The following GLB1 variants were observed in gnomAD, a reference collection of about 807,000 sequenced individuals.
GLB1 encodes the protein beta-galactosidase.
In GLB1, 56 loss-of-function variants were observed where a neutral mutation model predicts 74.0. That is an observed-to-expected ratio of 0.76 (90% CI 0.61 to 0.94). The LOEUF (loss-of-function observed/expected upper bound fraction) is 0.94. Among genes scored for constraint, GLB1 ranks in the 40% least tolerant of loss-of-function variants. GLB1 has a pLI of 0.00. For missense variants in GLB1, 787 were observed against 845.5 expected (o/e 0.93, Z 0.86); for synonymous variants, 323 against 323.6 (o/e 1.00, Z 0.02).
At chr3:33,088,910 T>C (rs928210517) in intron 1 of GLB1, among the ~76,000 whole-genome samples, 2 of 152,214 alleles carry the variant, frequency 1.3e-5, no homozygotes, top group Non-Finnish European at 2.9e-5. Flanking sequence ...GTAATCAGAA[T>C]AGCATGGTAA....
chr3:33,095,080 G>A (rs1292797475), intron 1 of GLB1, among the ~76,000 whole-genome samples: 2 of 151,924 alleles, frequency 1.3e-5, no homozygotes, highest in African/African-American at 4.8e-5. Flanking sequence ...GCATGGTGGT[G>A]GATGCATGTA....
intron 1 of GLB1, among the ~76,000 whole-genome samples, chr3:33,079,526 T>C (rs1278095358): frequency 6.6e-6 from 1 of 152,218 alleles, no homozygotes; most frequent in Non-Finnish European, 1.5e-5. Flanking sequence ...GTTAATGGTA[T>C]AATCTTTCAA....
the GLB1 span, among the ~76,000 whole-genome samples, chr3:32,976,123 C>T: frequency 6.6e-6 from 1 of 152,302 alleles, no homozygotes; most frequent in Non-Finnish European, 1.5e-5. Context: ...GTCAGCTCCT[C>T]CCTGTAACTG....
At chr3:33,077,071 A>T (rs28420683) in intron 1 of GLB1, 2 of 1,333,358 alleles carry the variant, frequency 1.5e-6, no homozygotes, top group African/African-American at 1.5e-5. Context: ...AAAAAAAAAA[A>T]TTAAAATTAG....
intron 15 of GLB1, among the ~76,000 whole-genome samples, chr3:33,005,692 T>A (rs913068568): frequency 1.3e-5 from 2 of 152,086 alleles, no homozygotes; most frequent in Non-Finnish European, 2.9e-5. Flanking sequence ...GATGAGGTCT[T>A]ATTAAGTTGC....
rs547994934 is a variant in GLB1 at position 33,025,870 on chromosome 3, G to A, written c.1069-1545C>T. Among the ~76,000 whole-genome samples, 3 of 152,302 alleles carry A rather than the reference G, an allele frequency of 2.0e-5. No homozygotes were observed. The South Asian group carries it at 6.2e-4, about 32-fold the overall frequency. On this transcript the variant is annotated intron_variant, in intron 10 of 15. Coordinates refer to ENST00000307363, the MANE Select transcript of GLB1 (RefSeq NM_000404.4). Reference sequence around the variant, plus strand: ...CAGGCAGGACCCACTCCCAGGCCCGGAGCCTCTGCCGCTGTTGACCCTGGC... The same window carrying A: ...CAGGCAGGACCCACTCCCAGGCCCGAAGCCTCTGCCGCTGTTGACCCTGGC...
chr3:33,052,126 T>C, intron 7 of GLB1, 122 bp from the exon 8 acceptor site: 1 of 1,556,716 alleles, frequency 6.4e-7, no homozygotes, highest in South Asian at 1.1e-5. Context: ...ATGCACTGCT[T>C]AACCCAGAGA....
intron 13 of GLB1, among the ~76,000 whole-genome samples, chr3:33,017,170 T>C (rs1174999917): frequency 1.3e-5 from 2 of 152,178 alleles, no homozygotes; most frequent in African/African-American, 2.4e-5. Context: ...TGCTTCGTGT[T>C]CTGACAGCAC....
chr3:33,024,375 T>C, intron 10 of GLB1, 50 bp from the exon 11 acceptor site: 1 of 1,548,390 alleles, frequency 6.5e-7, no homozygotes, highest in Non-Finnish European at 8.8e-7. Context: ...TTGGTAAACC[T>C]TCAGAAACAT....
chr3:32,987,689 A>G, the GLB1 span, among the ~76,000 whole-genome samples: 1 of 152,202 alleles, frequency 6.6e-6, no homozygotes, highest in Non-Finnish European at 1.5e-5. Flanking sequence ...TATTGATAGT[A>G]TCTCAATACT....
In GLB1 at chr3:33,068,988, G is replaced by A; in HGVS notation, c.246-18C>T. ...GCACATACCTGCCAAGACACACACA[G>A]CCCCTTCCTGGATACTTGGCAGAGT... On this transcript the variant is annotated intron_variant, in intron 2 of 15. Coordinates refer to ENST00000307363, the MANE Select transcript of GLB1 (RefSeq NM_000404.4). The A allele has an allele frequency of 6.2e-7, 1 of 1,614,156 alleles. No individual in the cohort carries two copies. Among genetic ancestry groups the A allele is most frequent in the Non-Finnish European group, 8.5e-7 (1 of 1,180,006 alleles).
intron 10 of GLB1, among the ~76,000 whole-genome samples, chr3:33,031,979 G>A (rs1412720332): frequency 1.3e-5 from 2 of 151,914 alleles, no homozygotes; most frequent in Non-Finnish European, 2.9e-5. Flanking sequence ...TTAATTTTTA[G>A]TAGAGATGGA....
At chr3:33,082,148 T>C (rs1700344151) in intron 1 of GLB1, among the ~76,000 whole-genome samples, 1 of 152,238 alleles carries the variant, frequency 6.6e-6, no homozygotes, top group Non-Finnish European at 1.5e-5. Flanking sequence ...TGAACTGACA[T>C]GGTAGCACCA....
At position 33,059,262 on chromosome 3, in the gene GLB1, C is replaced by T. The variant is rs541522713; in HGVS notation, c.553-993G>A. Among the ~76,000 whole-genome samples, 272 of 92,084 alleles carry T rather than the reference C, an allele frequency of 3.0e-3. 6 individuals carry two copies. The East Asian group carries it at 0.16, about 55-fold the overall frequency. The allele number at this position is 92,084 out of a possible 152,430, so 60.4% of individuals were successfully genotyped here. On this transcript the variant is annotated intron_variant, in intron 5 of 15. Transcript: ENST00000307363. ...TAAAACATACACACACACACACACA[C>T]ACACACACACACACACACACACACA...
At chr3:33,033,864 T>G in intron 10 of GLB1, 1 of 502,576 alleles carries the variant, frequency 2.0e-6, no homozygotes, top group Non-Finnish European at 4.0e-6. Context: ...GCTGGTATCA[T>G]GGTGTCAGTA....
chr3:33,022,288 T>C (rs1264064415), intron 11 of GLB1, among the ~76,000 whole-genome samples: 3 of 152,246 alleles, frequency 2.0e-5, no homozygotes, highest in African/African-American at 7.2e-5. Context: ...ATACAAAGGA[T>C]TGTGTATTCT....
At chr3:33,092,751 G>A in intron 1 of GLB1, 1 of 1,515,776 alleles carries the variant, frequency 6.6e-7, no homozygotes, top group African/African-American at 1.4e-5. Context: ...CAAGGCTGGA[G>A]GGGAAAAGCA....
intron 1 of GLB1, chr3:33,090,836 G>A: frequency 1.0e-6 from 1 of 985,338 alleles, no homozygotes; most frequent in Non-Finnish European, 1.2e-6. Flanking sequence ...AAAGCAATCA[G>A]TCAAGCAAGG....
chr3:32,988,724 A>T, the GLB1 span, among the ~76,000 whole-genome samples: 2 of 152,198 alleles, frequency 1.3e-5, no homozygotes, highest in Non-Finnish European at 2.9e-5. Flanking sequence ...TGACTTCAGG[A>T]CAGGATCTGG....
Sources: allele counts gnomAD v4.1 joint callset (sites outside exome capture counted in the v4.1 genomes callset), GRCh38; gene constraint gnomAD v4.1.1; transcripts MANE v1.5; gene names NCBI Gene and HGNC (gene_info 2026-07-23, HGNC 2026-07-21).